MAPK9: variants seen among roughly 807,000 people sequenced by gnomAD.
The protein encoded by MAPK9 is Jun kinase.
A neutral mutation model predicts 57.1 loss-of-function variants in MAPK9; 30 were observed. The ratio of observed to expected loss-of-function variants is 0.53; its 90% CI spans 0.39 to 0.71. The LOEUF (loss-of-function observed/expected upper bound fraction) is 0.71. Among genes scored for constraint, MAPK9 ranks in the 30% least tolerant of loss-of-function variants. The pLI, the probability that MAPK9 is intolerant of heterozygous loss-of-function variation, is 0.00. For synonymous variants in MAPK9, 155 were observed against 177.0 expected (o/e 0.88, Z 0.99); for missense variants, 362 against 521.0 (o/e 0.69, Z 2.97).
At chr5:180,261,849 T>G in intron 4 of MAPK9, 27 bp from the exon 5 acceptor site, 1 of 1,581,480 alleles carries the variant, frequency 6.3e-7, no homozygotes, top group Non-Finnish European at 8.6e-7. Context: ...CAGTTATTTA[T>G]TTGAAAATTA....
intron 8 of MAPK9, 37 bp downstream of exon 8, chr5:180,242,536 T>C: frequency 6.4e-7 from 1 of 1,563,568 alleles, no homozygotes; most frequent in Non-Finnish European, 8.7e-7. Flanking sequence ...CCACCTGAAT[T>C]ACAAAACACA....
intron 2 of MAPK9, 96 bp from the exon 3 acceptor site, chr5:180,269,505 G>A (rs1761051468): frequency 2.5e-6 from 3 of 1,204,842 alleles, no homozygotes; most frequent in Admixed American, 2.1e-5. Context: ...TTTTTAATAA[G>A]TAACAAGGAA....
At chr5:180,277,759 T>C (rs1435436268) in intron 2 of MAPK9, among the ~76,000 whole-genome samples, 1 of 152,198 alleles carries the variant, frequency 6.6e-6, no homozygotes, top group African/African-American at 2.4e-5. Context: ...TTAGCTAATC[T>C]ACTGTTGAGC....
chr5:180,270,808 C>CACT (rs991042649), intron 2 of MAPK9, among the ~76,000 whole-genome samples: 1 of 145,194 alleles, frequency 6.9e-6, no homozygotes, highest in African/African-American at 2.6e-5. Context: ...CTGATCCCTC[C>CACT]ACTGCACCCC....
At chr5:180,285,404 T>G (rs1173315729) in intron 1 of MAPK9, among the ~76,000 whole-genome samples, 1 of 152,146 alleles carries the variant, frequency 6.6e-6, no homozygotes, top group African/African-American at 2.4e-5. Flanking sequence ...TCCTGCACAT[T>G]TCACCTTGCT....
intron 5 of MAPK9, among the ~76,000 whole-genome samples, chr5:180,260,111 C>T (rs1759770183): frequency 6.6e-6 from 1 of 152,148 alleles, no homozygotes; most frequent in African/African-American, 2.4e-5. Context: ...AAAACTACTA[C>T]TGAGGAAAAA....
intron 6 of MAPK9, among the ~76,000 whole-genome samples, chr5:180,248,598 A>G (rs34857649): frequency 6.6e-6 from 1 of 152,340 alleles, no homozygotes; most frequent in East Asian, 1.9e-4. Context: ...GATCCATGGT[A>G]CTGGAGATCA....
At chr5:180,261,134 C>T (rs1337934927) in intron 5 of MAPK9, among the ~76,000 whole-genome samples, 1 of 152,204 alleles carries the variant, frequency 6.6e-6, no homozygotes, top group Non-Finnish European at 1.5e-5. Flanking sequence ...CAGGCCTGCT[C>T]TGAACCCTTG....
At chr5:180,270,605 C>T in intron 2 of MAPK9, among the ~76,000 whole-genome samples, 1 of 152,158 alleles carries the variant, frequency 6.6e-6, no homozygotes, top group Non-Finnish European at 1.5e-5. Context: ...ATTCCCAGCA[C>T]TTTGGGAGGC....
At chr5:180,272,297 T>C (rs1419453325) in intron 2 of MAPK9, among the ~76,000 whole-genome samples, 1 of 152,214 alleles carries the variant, frequency 6.6e-6, no homozygotes, top group Non-Finnish European at 1.5e-5. Flanking sequence ...CCTTGATTGA[T>C]AATAAGTTTT....
chr5:180,249,387 C>T (rs1758441354), intron 5 of MAPK9, among the ~76,000 whole-genome samples: 1 of 152,176 alleles, frequency 6.6e-6, no homozygotes, highest in South Asian at 2.1e-4. Context: ...TGTGGTCTCG[C>T]AGGCCCTCAG....
chr5:180,236,816 C>T (rs957379901), intron 11 of MAPK9: 1 of 225,580 alleles, frequency 4.4e-6, no homozygotes, highest in Admixed American at 5.5e-5. Flanking sequence ...TAAAAAATAC[C>T]TGCTGCTTTC....
intron 5 of MAPK9, among the ~76,000 whole-genome samples, chr5:180,253,954 C>T (rs1197456376): frequency 2.8e-5 from 4 of 144,712 alleles, no homozygotes; most frequent in African/African-American, 1.0e-4. Context: ...GCCTTTAATG[C>T]TTCAATCTCT....
intron 2 of MAPK9, among the ~76,000 whole-genome samples, chr5:180,269,885 A>T (rs941085374): frequency 1.3e-5 from 2 of 152,252 alleles, no homozygotes; most frequent in African/African-American, 2.4e-5. Context: ...CACAAATAAC[A>T]GTATCTAAAA....
At chr5:180,278,740 C>G (rs955922062) in intron 2 of MAPK9, among the ~76,000 whole-genome samples, 1 of 151,936 alleles carries the variant, frequency 6.6e-6, no homozygotes, top group Non-Finnish European at 1.5e-5. Context: ...TGTCTATAGC[C>G]ACAAACAACT....
At chr5:180,243,072 G>A (rs894308648) in intron 7 of MAPK9, among the ~76,000 whole-genome samples, 6 of 152,110 alleles carry the variant, frequency 3.9e-5, no homozygotes, top group African/African-American at 9.7e-5. Flanking sequence ...GATTAAACAC[G>A]AAATTAGATA....
At chr5:180,265,133 C>A (rs1404740507) in intron 3 of MAPK9, among the ~76,000 whole-genome samples, 4 of 152,146 alleles carry the variant, frequency 2.6e-5, no homozygotes, top group Non-Finnish European at 5.9e-5. Flanking sequence ...GGTAAAAAGA[C>A]ATTAAAGCAG....
At chr5:180,259,336 G>A (rs1050484979) in intron 5 of MAPK9, among the ~76,000 whole-genome samples, 68 of 151,998 alleles carry the variant, frequency 4.5e-4, no homozygotes, top group Non-Finnish European at 4.3e-4. Context: ...AGTTCTCTAC[G>A]TAAACATGAA....
At chr5:180,275,395 T>C (rs553277528) in intron 2 of MAPK9, among the ~76,000 whole-genome samples, 1 of 152,310 alleles carries the variant, frequency 6.6e-6, no homozygotes, top group East Asian at 1.9e-4. Context: ...TGAGTTACCT[T>C]TACTTCTAGG....
Sources: gnomAD v4.1 joint callset for allele counts (sites outside exome capture counted in the v4.1 genomes callset) on GRCh38, gnomAD v4.1.1 for gene constraint, MANE v1.5 for transcripts, NCBI Gene and HGNC (gene_info 2026-07-23, HGNC 2026-07-21) for gene names.